Variants in DHX38 observed in about 807,000 individuals in gnomAD.
The protein encoded by DHX38 is DEAH-box helicase 38, also known as pre-mRNA-splicing factor ATP-dependent RNA helicase PRP16.
Under a neutral mutation model 153.1 loss-of-function variants are expected in DHX38, and 100 were observed. That is an observed-to-expected ratio of 0.65 (90% confidence interval 0.56 to 0.77). The LOEUF is 0.77. Among genes scored for constraint, DHX38 ranks in the 30% least tolerant of loss-of-function variants. The pLI is 0.00. For synonymous variants in DHX38, 650 were observed against 631.7 expected (o/e 1.03, Z -0.43); for missense variants, 1,440 against 1,654.0 (o/e 0.87, Z 2.24).
At chr16:72,099,437 A>G (rs2042067679) in intron 7 of DHX38, among the ~76,000 whole-genome samples, 157 bp downstream of exon 7, 1 of 152,054 alleles carries the variant, frequency 6.6e-6, no homozygotes, top group Admixed American at 6.5e-5. Context: ...GGCACGGTGA[A>G]CCCTGTCACT....
Position 72,106,074 on chromosome 16 carries a change from C to A in DHX38, c.2557C>A (p.Arg853=). 3 of 1,614,214 alleles carry A rather than the reference C, an allele frequency of 1.9e-6. No individual in the cohort carries two copies. The highest frequency in any genetic ancestry group is 2.5e-6 in the Non-Finnish European group (3 of 1,180,038). The change falls in exon 19 of 27, where the codon CGG becomes AGG. Residue 853 remains arginine (R), a synonymous_variant. Transcript: ENST00000268482. ...CATTAGCCAGGCCAATGCCAACCAG[C>A]GGTCAGGGCGAGCCGGCAGGACGGG... ...YPISQANANQ[R]SGRAGRTGPG... is the part of the protein sequence containing the mutation.
chr16:72,097,843 TC>T, intron 4 of DHX38, 62 bp downstream of exon 4: 1 of 585,742 alleles, frequency 1.7e-6, no homozygotes, highest in South Asian at 3.8e-5. Flanking sequence ...AGTGAGTGAC[TC>T]TCGTCTTCAG....
intron 26 of DHX38, among the ~76,000 whole-genome samples, chr16:72,111,913 A>AC (rs1449227457): frequency 7.2e-5 from 11 of 152,130 alleles, no homozygotes; most frequent in African/African-American, 2.7e-4. Context: ...ACCAGTGCTA[A>AC]CCCCGGGGCA....
At position 72,105,215 on chromosome 16, in the gene DHX38, C is replaced by T; in HGVS notation, c.2263-17C>T. 1.2e-6 allele frequency: 2 copies of T among 1,613,956 alleles called. No homozygotes were observed. Among genetic ancestry groups the T allele is most frequent in the East Asian group, 2.2e-5 (1 of 44,878 alleles). Reference sequence around the variant, plus strand: ...GTTAGGGTTCCAGTGTCTCACAGCTCCTCCCTGGGCTCTCAGGTGACCTCA... The same window carrying T: ...GTTAGGGTTCCAGTGTCTCACAGCTTCTCCCTGGGCTCTCAGGTGACCTCA... On this transcript the variant is annotated splice_polypyrimidine_tract_variant and intron_variant, in intron 16 of 26. Coordinates refer to ENST00000268482, the MANE Select transcript of DHX38 (RefSeq NM_014003.4).
chr16:72,109,301 A>C, intron 24 of DHX38, 114 bp from the exon 25 acceptor site: 8 of 1,182,096 alleles, frequency 6.8e-6, no homozygotes, highest in Non-Finnish European at 9.4e-6. Flanking sequence ...TCCTTTTTTC[A>C]GCCTTGCAGG....
At position 72,101,187 on chromosome 16, in the gene DHX38, CAAG is replaced by C; in HGVS notation, c.1384_1386del (p.Lys462del). The C allele has an allele frequency of 6.2e-7, 1 of 1,614,210 alleles. No individual in the cohort carries two copies. The highest frequency in any genetic ancestry group is 8.5e-7 in the Non-Finnish European group (1 of 1,180,038). On this transcript the variant is annotated inframe_deletion, in exon 10 of 27. Coordinates refer to ENST00000268482, the MANE Select transcript of DHX38 (RefSeq NM_014003.4). ...GGAAGCACAGGGAGCAGAAGGAGCG[CAAG>C]AAGGTTGGTTTCTTGGTTTCGTGGC...
chr16:72,097,005 C>G lies in DHX38; in HGVS notation c.507C>G (p.Asp169Glu). 1 of 1,613,310 alleles carries G rather than the reference C, an allele frequency of 6.2e-7. No homozygotes were observed. The highest frequency in any genetic ancestry group is 1.1e-5 in the South Asian group (1 of 90,974). The change falls in exon 3 of 27, where the codon GAC becomes GAG. Residue 169 changes from aspartate (D) to glutamate (E), a missense_variant. By Grantham distance (45) the Asp-to-Glu change is conservative. Around this residue, in one of 6 missense-constraint regions of DHX38, gnomAD observed 483 missense variants for 465.1 expected, o/e 1.04. Transcript: ENST00000268482. ...ATCGAGACTATGACCGCAAGAGGGA[C>G]AGAGGTAAACTGTCCAGCACAGTTC... ...SRDRDYDRKR[D>E]RDERDRSRHS...
At chr16:72,111,344 C>T (rs905683343) in intron 26 of DHX38, among the ~76,000 whole-genome samples, 11 of 152,154 alleles carry the variant, frequency 7.2e-5, no homozygotes, top group Non-Finnish European at 1.2e-4. Flanking sequence ...TACTCATGAG[C>T]GAGGGGGTTG....
chr16:72,104,175 C>T lies in DHX38; in HGVS notation c.2010+44C>T. 6.3e-7 allele frequency: 1 copy of T among 1,597,864 alleles called. No individual in the cohort carries two copies. The highest frequency in any genetic ancestry group is 1.1e-5 in the South Asian group (1 of 89,884). On this transcript the variant is annotated intron_variant, in intron 14 of 26. Transcript: ENST00000268482. This position sits in a 1 kb window ranked among gnomAD's most constrained non-coding sequence, Gnocchi z 4.5. The stretch of plus-strand genomic sequence containing the variant: ...GGTCTCTCTGCGCATGGGGTGTTGA[C>T]CAGTGCACCACCAGTAGCTAGTGGG...
chr16:72,099,541 C>T (rs2042069473), intron 7 of DHX38, among the ~76,000 whole-genome samples, 191 bp from the exon 8 acceptor site: 1 of 139,718 alleles, frequency 7.2e-6, no homozygotes, highest in African/African-American at 3.0e-5. Flanking sequence ...GCCCTCCAGT[C>T]CTGTGTAGTT....
chr16:72,103,014 C>G, intron 11 of DHX38, 60 bp from the exon 12 acceptor site: 1 of 1,589,884 alleles, frequency 6.3e-7, no homozygotes, highest in African/African-American at 1.3e-5. Context: ...GGCAGCAACC[C>G]AATCAGGAAG....
At position 72,104,348 on chromosome 16, in the gene DHX38, T is replaced by C; in HGVS notation, c.2011-138T>C. The C allele has an allele frequency of 7.7e-7, 1 of 1,301,848 alleles. No homozygotes were observed. The highest frequency in any genetic ancestry group is 1.0e-6 in the Non-Finnish European group (1 of 964,454). The allele number at this position is 1,301,848 out of a possible 1,614,324, so 80.6% of individuals were successfully genotyped here. A position where few individuals can be genotyped will look rare whatever the true frequency, so the allele number is the denominator to read the frequency against. ...CTGGGCAGTGGCTCCATTGCTTCAG[T>C]CTTCATGATTGGTAAGAATTGAATA... is the stretch of plus-strand genomic sequence containing the variant. On this transcript the variant is annotated intron_variant, in intron 14 of 26. Transcript: ENST00000268482. This position sits in a 1 kb window ranked among gnomAD's most constrained non-coding sequence, Gnocchi z 4.5.
chr16:72,100,319 A>C (rs1276778453), intron 8 of DHX38, 117 bp from the exon 9 acceptor site: 1 of 1,374,532 alleles, frequency 7.3e-7, no homozygotes, highest in African/African-American at 1.4e-5. Flanking sequence ...GGCCTGTGAC[A>C]TCTTTGCAGC....
chr16:72,106,322 G>C (rs1452035921), intron 19 of DHX38, among the ~76,000 whole-genome samples: 2 of 152,246 alleles, frequency 1.3e-5, no homozygotes, highest in Non-Finnish European at 2.9e-5. Flanking sequence ...GAGGTCTGAG[G>C]CCAACCTACG....
chr16:72,107,752 C>T lies in DHX38; in HGVS notation c.2917C>T (p.Leu973Phe). 6.2e-7 allele frequency: 1 copy of T among 1,614,082 alleles called. No homozygotes were observed. The change falls in exon 21 of 27, where the codon CTC becomes TTC. Residue 973 changes from leucine to phenylalanine, a missense_variant. Physicochemically the swap from Leu to Phe is conservative, Grantham distance 22. Coordinates refer to ENST00000268482, the MANE Select transcript of DHX38 (RefSeq NM_014003.4). This position sits in a 1 kb window ranked among gnomAD's most constrained non-coding sequence, Gnocchi z 5.3. ...CDMGCSSEIL[L>F]IVSMLSVPAI... ...CATGGGCTGCAGCTCCGAGATCCTG[C>T]TCATCGTTTCCATGCTCTCGGTCCC... is the stretch of plus-strand genomic sequence containing the variant.
rs951901244 is a variant in DHX38 at position 72,103,110 on chromosome 16, G to T, written c.1536G>T (p.Lys512Asn). 1.2e-6 allele frequency: 2 copies of T among 1,614,118 alleles called. No homozygotes were observed. ...EQKFADHMKR[K>N]SEASSEFAKK... ...AGTTTGCAGATCACATGAAGAGAAA[G>T]AGCGAAGCCAGCAGTGAATTTGCAA... The change falls in exon 12 of 27, where the codon AAG becomes AAT. Residue 512 changes from lysine to asparagine, a missense_variant. By Grantham distance (94) the Lys-to-Asn change is moderately conservative. This residue lies in a region of DHX38 where 241 missense variants were observed against 229.5 expected (regional missense o/e 1.05). Coordinates refer to ENST00000268482, the MANE Select transcript of DHX38 (RefSeq NM_014003.4).
chr16:72,105,392 A>T, intron 17 of DHX38, 44 bp downstream of exon 17: 1 of 1,607,562 alleles, frequency 6.2e-7, no homozygotes, highest in Non-Finnish European at 8.5e-7. Flanking sequence ...GGAGTTCTCT[A>T]AAGGAAGCGA....
chr16:72,104,733 T>A lies in DHX38; in HGVS notation c.2151+107T>A. ...GGGTAGGGGACTGGGTTGGAGAAGA[T>A]TTCCTGGGGACCATGGGGCAAATGG... is the stretch of plus-strand genomic sequence containing the variant. On this transcript the variant is annotated intron_variant, in intron 15 of 26. Coordinates refer to ENST00000268482, the MANE Select transcript of DHX38 (RefSeq NM_014003.4). The surrounding 1 kb of genome is among the most constrained non-coding windows in gnomAD (Gnocchi z 4.5). 2.0e-6 allele frequency: 3 copies of A among 1,519,298 alleles called. No individual in the cohort carries two copies. In the East Asian group the frequency reaches 6.8e-5, roughly 34 times the overall value. The allele number at this position is 1,519,298 out of a possible 1,614,324, so 94.1% of individuals were successfully genotyped here.
At chr16:72,100,199 G>A in intron 8 of DHX38, among the ~76,000 whole-genome samples, 1 of 152,128 alleles carries the variant, frequency 6.6e-6, no homozygotes, top group East Asian at 1.9e-4. Context: ...CTTACCATTT[G>A]TGTGTCCCTC....
Sources: allele counts gnomAD v4.1 joint callset (sites outside exome capture counted in the v4.1 genomes callset), GRCh38; gene constraint gnomAD v4.1.1; regional missense constraint gnomAD v4.1.1; non-coding constraint Gnocchi (gnomAD v3.1); transcripts MANE v1.5; gene names NCBI Gene and HGNC (gene_info 2026-07-23, HGNC 2026-07-21).